Variants in MRPS9 observed in about 807,000 individuals in gnomAD.
MRPS9 encodes the protein mitochondrial ribosomal protein S9, also known as small ribosomal subunit protein uS9m.
MRPS9 carries 45 observed loss-of-function variants against 59.9 expected under a neutral mutation model. That is an observed-to-expected ratio of 0.75 (90% CI 0.59 to 0.96). The LOEUF (loss-of-function observed/expected upper bound fraction) is 0.96, where lower values mean the gene tolerates loss of function less well. Among genes scored for constraint, MRPS9 ranks in the 40% least tolerant of loss-of-function variants. The probability of loss-of-function intolerance (pLI) is 0.00; values close to 1 mark genes in which losing one functional copy is unlikely to be tolerated. For synonymous variants in MRPS9, 171 were observed against 166.8 expected, an observed-to-expected ratio of 1.03 and a Z score of -0.19; for missense variants, 473 against 481.1, an observed-to-expected ratio of 0.98 and a Z score of 0.16.
At chr2:105,064,232 G>T (rs1240610392) in intron 2 of MRPS9, among the ~76,000 whole-genome samples, 1 of 152,170 alleles carries the variant, frequency 6.6e-6, no homozygotes, top group African/African-American at 2.4e-5. Context: ...GGGGAATGTG[G>T]CTGCAAGAAG....
Position 105,097,315 on chromosome 2 carries a change from A to G in MRPS9, c.1090A>G (p.Met364Val), listed in dbSNP as rs1221353907. 1.8e-5 allele frequency: 29 copies of G among 1,605,762 alleles called. No homozygotes were observed. Among genetic ancestry groups the G allele is most frequent in the Non-Finnish European group, 2.5e-5 (29 of 1,176,134 alleles). The change falls in exon 10 of 11, where the codon ATG becomes GTG. Residue 364 changes from methionine to valine, a missense_variant. Coordinates refer to ENST00000258455, the MANE Select transcript of MRPS9 (RefSeq NM_182640.3). ...TGTCACCGAGGACGAGGTCGAGTGG[A>G]TGAGACAAGGTATGAGTCTAGGTGG... ...SFVTEDEVEW[M>V]RQAGLLTTDP...
intron 2 of MRPS9, among the ~76,000 whole-genome samples, chr2:105,071,112 G>T (rs1284987334): frequency 6.6e-5 from 10 of 152,188 alleles, no homozygotes; most frequent in Admixed American, 5.2e-4. Flanking sequence ...CTTGAAAATT[G>T]TCAATAACCA....
intron 1 of MRPS9, among the ~76,000 whole-genome samples, chr2:105,038,782 CA>C (rs1221182840): frequency 6.6e-6 from 1 of 152,102 alleles, no homozygotes; most frequent in Admixed American, 6.6e-5. Context: ...AGTGGGGAGT[CA>C]ACAGCTGGAT....
chr2:105,073,996 G>A (rs998868488), intron 4 of MRPS9, among the ~76,000 whole-genome samples: 1 of 152,264 alleles, frequency 6.6e-6, no homozygotes, highest in South Asian at 2.1e-4. Context: ...TGGACATAAA[G>A]AAAACCTAAC....
chr2:105,060,172 A>G (rs751661103), intron 2 of MRPS9, among the ~76,000 whole-genome samples: 60 of 151,842 alleles, frequency 4.0e-4, no homozygotes, highest in Non-Finnish European at 8.5e-4. Context: ...TACCCCAACC[A>G]TTTTTGTTAC....
intron 9 of MRPS9, 123 bp downstream of exon 9, chr2:105,093,761 A>G (rs547862532): frequency 1.2e-5 from 6 of 499,144 alleles, no homozygotes; most frequent in South Asian, 4.8e-5. Context: ...CTCTTTACCA[A>G]TGTAACATAT....
intron 6 of MRPS9, 80 bp downstream of exon 6, chr2:105,089,149 C>A: frequency 4.0e-6 from 4 of 1,006,938 alleles, no homozygotes; most frequent in Non-Finnish European, 6.0e-6. Context: ...TTTAGACATA[C>A]CTGAAGCCTA....
At chr2:105,044,316 C>G (rs1470756636) in intron 1 of MRPS9, among the ~76,000 whole-genome samples, 1 of 152,182 alleles carries the variant, frequency 6.6e-6, no homozygotes, top group Non-Finnish European at 1.5e-5. Flanking sequence ...TTTTCACACT[C>G]TTAGCCTCAC....
chr2:105,059,977 CT>C (rs1231188125), intron 2 of MRPS9, among the ~76,000 whole-genome samples: 1 of 131,722 alleles, frequency 7.6e-6, no homozygotes, highest in Non-Finnish European at 1.6e-5. Flanking sequence ...ATTTTTCATG[CT>C]AATATAGATG....
At chr2:105,053,851 A>C (rs1679753991) in intron 2 of MRPS9, among the ~76,000 whole-genome samples, 2 of 152,236 alleles carry the variant, frequency 1.3e-5, no homozygotes, top group Admixed American at 1.3e-4. Flanking sequence ...TATTATAAAA[A>C]TCTACCTTTA....
intron 2 of MRPS9, among the ~76,000 whole-genome samples, chr2:105,056,608 A>G (rs1161169577): frequency 2.0e-5 from 3 of 152,216 alleles, no homozygotes; most frequent in Admixed American, 6.5e-5. Context: ...CCTCCTAGTA[A>G]GTAAAATTCA....
At chr2:105,083,862 C>T (rs963823212) in intron 5 of MRPS9, among the ~76,000 whole-genome samples, 1 of 152,176 alleles carries the variant, frequency 6.6e-6, no homozygotes, top group African/African-American at 2.4e-5. Context: ...ACACTTCCTA[C>T]TCCAAACCCC....
intron 1 of MRPS9, among the ~76,000 whole-genome samples, chr2:105,046,151 CCACCGCACCCAGA>C (rs1242088848): frequency 5.3e-5 from 8 of 152,004 alleles, no homozygotes; most frequent in African/African-American, 1.9e-4. Context: ...CAGGCGTGAG[CCACCGCACCCAGA>C]CATCTCTAAT....
intron 2 of MRPS9, among the ~76,000 whole-genome samples, chr2:105,056,039 C>T (rs1357114981): frequency 6.6e-6 from 1 of 152,092 alleles, no homozygotes; most frequent in Admixed American, 6.5e-5. Flanking sequence ...AGTGAATTTT[C>T]CAGATAAGGG....
intron 5 of MRPS9, 56 bp from the exon 6 acceptor site, chr2:105,088,928 T>C: frequency 1.6e-6 from 2 of 1,215,312 alleles, no homozygotes; most frequent in South Asian, 3.1e-5. Context: ...TATCAGAAGT[T>C]ATAATGTACC....
At chr2:105,052,630 C>T (rs186829051) in intron 2 of MRPS9, among the ~76,000 whole-genome samples, 3 of 152,204 alleles carry the variant, frequency 2.0e-5, no homozygotes, top group Admixed American at 6.5e-5. Context: ...CTGGCCTCAT[C>T]GAATGAGTTA....
intron 2 of MRPS9, among the ~76,000 whole-genome samples, chr2:105,055,940 T>G: frequency 6.6e-6 from 1 of 152,226 alleles, no homozygotes; most frequent in South Asian, 2.1e-4. Context: ...GGTTTTAAAA[T>G]GTTTGGCTTT....
At chr2:105,074,438 G>C (rs1680170507) in intron 4 of MRPS9, among the ~76,000 whole-genome samples, 1 of 152,180 alleles carries the variant, frequency 6.6e-6, no homozygotes, top group Admixed American at 6.5e-5. Context: ...TAATTTTAAA[G>C]TATGCAGTTG....
chr2:105,042,038 G>A (rs1679511172), intron 1 of MRPS9, among the ~76,000 whole-genome samples: 1 of 152,188 alleles, frequency 6.6e-6, no homozygotes, highest in Non-Finnish European at 1.5e-5. Flanking sequence ...TAATTAGGAT[G>A]ATGAACGTAT....
Sources: allele counts gnomAD v4.1 joint callset (sites outside exome capture counted in the v4.1 genomes callset), GRCh38; gene constraint gnomAD v4.1.1; transcripts MANE v1.5; gene names NCBI Gene and HGNC (gene_info 2026-07-23, HGNC 2026-07-21).